The following DIS3L2 variants were observed in gnomAD, a reference collection of about 807,000 sequenced individuals.
The protein encoded by DIS3L2 is DIS3 like 3'-5' exoribonuclease 2.
A neutral mutation model predicts 97.5 loss-of-function variants in DIS3L2; 34 were observed. That is an observed-to-expected ratio of 0.35 (90% CI 0.27 to 0.46). DIS3L2 has a LOEUF of 0.46. DIS3L2 is among the 20% of genes least tolerant of loss of function. DIS3L2 has a pLI of 1.00. For missense variants in DIS3L2, 1,038 were observed against 1,146.0 expected, an observed-to-expected ratio of 0.91 and a Z score of 1.36; for synonymous variants, 435 against 445.2, an observed-to-expected ratio of 0.98 and a Z score of 0.29.
intron 13 of DIS3L2, among the ~76,000 whole-genome samples, chr2:232,285,481 G>C (rs1230713126): frequency 2.6e-5 from 4 of 152,372 alleles, no homozygotes; most frequent in Admixed American, 2.6e-4. Flanking sequence ...CCTTGAGGAG[G>C]CTGACATTCT....
At chr2:232,086,625 A>ATATATATG (rs1279962311) in intron 5 of DIS3L2, among the ~76,000 whole-genome samples, 1 of 100,878 alleles carries the variant, frequency 9.9e-6, no homozygotes, top group African/African-American at 4.2e-5. Context: ...ATATATATAT[A>ATATATATG]TATACACATA....
rs754685036 is a variant in DIS3L2, at chr2:232,343,537, A to AT, written c.1775dup (p.Arg593LysfsTer115). The AT allele has an allele frequency of 3.8e-6, 6 of 1,564,200 alleles. No homozygotes were observed. Among genetic ancestry groups the AT allele is most frequent in the Non-Finnish European group, 3.5e-6 (4 of 1,154,170 alleles). ...ATTGGAAGCAAAGCCCCAAAACACG[A>AT]TAAGAGTAGAGGAGCAGACAACCCA... On this transcript the variant is annotated frameshift_variant, in exon 14 of 14. Coordinates refer to the DIS3L2 transcript ENST00000273009. LOFTEE classifies it high-confidence loss of function.
At chr2:232,078,013 CT>C in intron 5 of DIS3L2, among the ~76,000 whole-genome samples, 1 of 85,574 alleles carries the variant, frequency 1.2e-5, no homozygotes, top group South Asian at 4.1e-4. Flanking sequence ...TTCTTTCTTT[CT>C]TTCTTTTTCT....
At chr2:232,066,268 T>G (rs1695854277) in intron 5 of DIS3L2, among the ~76,000 whole-genome samples, 2 of 151,966 alleles carry the variant, frequency 1.3e-5, no homozygotes, top group Admixed American at 6.5e-5. Flanking sequence ...TAGTTTTAGG[T>G]TTTTCATAGA....
chr2:232,130,782 A>G (rs1296703147), intron 7 of DIS3L2, 63 bp downstream of exon 7: 1 of 1,592,516 alleles, frequency 6.3e-7, no homozygotes, highest in East Asian at 2.3e-5. Flanking sequence ...CTTGTTGAAG[A>G]TCTCGTGTGA....
chr2:232,167,010 CAAA>C (rs199864891), intron 9 of DIS3L2, among the ~76,000 whole-genome samples: 3 of 137,322 alleles, frequency 2.2e-5, no homozygotes. Context: ...GCGTCTCAGT[CAAA>C]AAAAAAAAAA....
At chr2:232,338,493 C>T, downstream of DIS3L2, among the ~76,000 whole-genome samples, 1 of 152,176 alleles carries the variant, frequency 6.6e-6, no homozygotes, top group African/African-American at 2.4e-5. Context: ...GCTGTGGAGG[C>T]CATGGCAGCC....
intron 1 of DIS3L2, among the ~76,000 whole-genome samples, chr2:232,004,089 T>G (rs952177804): frequency 3.9e-5 from 6 of 152,110 alleles, no homozygotes; most frequent in African/African-American, 1.2e-4. Context: ...TTGTTTTTTT[T>G]GGAGACAGAG....
At chr2:232,071,474 A>G (rs559170363) in intron 5 of DIS3L2, among the ~76,000 whole-genome samples, 7 of 152,108 alleles carry the variant, frequency 4.6e-5, no homozygotes, top group African/African-American at 1.4e-4. Context: ...GTGAGCTGTG[A>G]TCACACTAGT....
intron 5 of DIS3L2, among the ~76,000 whole-genome samples, chr2:232,075,516 G>A (rs1454412477): frequency 1.3e-5 from 2 of 152,100 alleles, no homozygotes; most frequent in African/African-American, 2.4e-5. Flanking sequence ...TTGGCCCTGA[G>A]TCACCTTTGC....
intron 6 of DIS3L2, among the ~76,000 whole-genome samples, chr2:232,119,239 G>C (rs945242866): frequency 6.6e-6 from 1 of 152,154 alleles, no homozygotes; most frequent in African/African-American, 2.4e-5. Context: ...ATGCTTTGAG[G>C]CTAGTCTCTA....
chr2:232,193,971 G>A (rs191676696), intron 9 of DIS3L2, among the ~76,000 whole-genome samples: 9 of 152,206 alleles, frequency 5.9e-5, no homozygotes, highest in East Asian at 3.9e-4. Context: ...TTAGCTGGGC[G>A]TGGTGGTGCT....
intron 5 of DIS3L2, among the ~76,000 whole-genome samples, chr2:232,073,707 C>T (rs1696102402): frequency 6.6e-6 from 1 of 152,212 alleles, no homozygotes; most frequent in South Asian, 2.1e-4. Flanking sequence ...TTTAGGATTC[C>T]ATTAGAATTT....
At chr2:232,318,222 A>G (rs573549453) in intron 14 of DIS3L2, among the ~76,000 whole-genome samples, 1 of 152,228 alleles carries the variant, frequency 6.6e-6, no homozygotes, top group African/African-American at 2.4e-5. Flanking sequence ...GGAAGCCCTT[A>G]TATTCAGAAT....
chr2:231,993,209 T>C (rs1693632774), intron 1 of DIS3L2, among the ~76,000 whole-genome samples: 1 of 152,098 alleles, frequency 6.6e-6, no homozygotes, highest in Non-Finnish European at 1.5e-5. Flanking sequence ...GTCCATCCAA[T>C]TATGTAAGCT....
At chr2:232,195,319 C>T (rs1691723069) in intron 9 of DIS3L2, among the ~76,000 whole-genome samples, 2 of 152,146 alleles carry the variant, frequency 1.3e-5, no homozygotes. Flanking sequence ...TTAGTCAAGA[C>T]AGGGGAATTA....
rs547827654 is a variant in DIS3L2, at chr2:232,191,745, G to T, written c.1125-18581G>T. 1.2e-4 allele frequency among the ~76,000 whole-genome samples: 18 copies of T among 152,318 alleles called. No homozygotes were observed. In the South Asian group the frequency reaches 3.7e-3, roughly 32 times the overall value. On this transcript the variant is annotated intron_variant, in intron 9 of 20. Coordinates refer to ENST00000325385, the MANE Select transcript of DIS3L2 (RefSeq NM_152383.5). ...ATGGGAGAATCAAGAGTTTCAAATT[G>T]TGATTGTTTAAACAGTTCTGTGGTC...
intron 9 of DIS3L2, among the ~76,000 whole-genome samples, chr2:232,206,909 T>C (rs1692041411): frequency 6.6e-6 from 1 of 152,194 alleles, no homozygotes; most frequent in African/African-American, 2.4e-5. Flanking sequence ...TGGGATCAAC[T>C]TCAGGCTGGA....
At chr2:232,343,612 GATT>G in exon 14 of DIS3L2, 1 of 1,563,594 alleles carries the variant, frequency 6.4e-7, no homozygotes, top group East Asian at 2.4e-5. Context: ...GAGAAGGAAA[GATT>G]ATGGAAAGAA....
Sources: allele counts gnomAD v4.1 joint callset (sites outside exome capture counted in the v4.1 genomes callset), GRCh38; gene constraint gnomAD v4.1.1; transcripts MANE v1.5; gene names NCBI Gene and HGNC (gene_info 2026-07-23, HGNC 2026-07-21).